Variants in ARHGAP15 observed in about 807,000 individuals in gnomAD.
ARHGAP15 encodes the protein Rho GTPase activating protein 15.
Under a neutral mutation model 63.7 loss-of-function variants are expected in ARHGAP15, and 51 were observed. The observed-to-expected ratio is 0.80, with a 90% confidence interval of 0.64 to 1.01. The LOEUF is 1.01. Among genes scored for constraint, ARHGAP15 ranks in the 50% least tolerant of loss-of-function variants. The pLI, the probability that ARHGAP15 is intolerant of heterozygous loss-of-function variation, is 0.00. For missense variants in ARHGAP15, 560 were observed against 564.6 expected (o/e 0.99, Z 0.08); for synonymous variants, 191 against 193.8 (o/e 0.99, Z 0.12).
At chr2:143,506,066 G>A (rs981984972) in intron 9 of ARHGAP15, among the ~76,000 whole-genome samples, 6 of 152,070 alleles carry the variant, frequency 3.9e-5, no homozygotes, top group African/African-American at 1.4e-4. Flanking sequence ...TTTTCTTATT[G>A]AACTATGCAT....
At chr2:143,744,531 C>T (rs192977908) in intron 13 of ARHGAP15, among the ~76,000 whole-genome samples, 1 of 152,232 alleles carries the variant, frequency 6.6e-6, no homozygotes, top group African/African-American at 2.4e-5. Flanking sequence ...TTCTATAAAT[C>T]AGGAGTGTTG....
chr2:143,565,144 T>G (rs1323976231), intron 11 of ARHGAP15, among the ~76,000 whole-genome samples: 2 of 152,164 alleles, frequency 1.3e-5, no homozygotes, highest in Non-Finnish European at 2.9e-5. Flanking sequence ...GGTGAATCTA[T>G]TTTAAACTTA....
chr2:143,496,080 A>G (rs955758678), intron 9 of ARHGAP15, among the ~76,000 whole-genome samples: 4 of 152,212 alleles, frequency 2.6e-5, no homozygotes, highest in Non-Finnish European at 5.9e-5. Context: ...CAAAATTAAT[A>G]GCCAACCTTA....
intron 6 of ARHGAP15, among the ~76,000 whole-genome samples, chr2:143,392,769 T>C (rs1344451237): frequency 6.6e-6 from 1 of 152,200 alleles, no homozygotes; most frequent in Non-Finnish European, 1.5e-5. Flanking sequence ...TTCTGTACAG[T>C]ACATATGTCT....
intron 13 of ARHGAP15, among the ~76,000 whole-genome samples, chr2:143,743,549 G>A (rs893883620): frequency 2.6e-5 from 4 of 152,102 alleles, no homozygotes; most frequent in African/African-American, 9.7e-5. Context: ...AGTTTCTTGC[G>A]ATCTCTGTAC....
intron 8 of ARHGAP15, among the ~76,000 whole-genome samples, chr2:143,484,101 C>A (rs1485532549): frequency 6.6e-6 from 1 of 152,012 alleles, no homozygotes; most frequent in Non-Finnish European, 1.5e-5. Flanking sequence ...TGGTAGCTCA[C>A]ACCTGTAATC....
At chr2:143,412,510 T>A (rs911060848) in intron 6 of ARHGAP15, among the ~76,000 whole-genome samples, 4 of 152,220 alleles carry the variant, frequency 2.6e-5, no homozygotes, top group Admixed American at 2.0e-4. Flanking sequence ...CACAGGTTTC[T>A]TGTGAAAATT....
intron 8 of ARHGAP15, among the ~76,000 whole-genome samples, chr2:143,469,147 A>G (rs1210600221): frequency 6.6e-6 from 1 of 152,192 alleles, no homozygotes; most frequent in African/African-American, 2.4e-5. Context: ...AGCACAGACT[A>G]TAAACTTCAA....
intron 2 of ARHGAP15, among the ~76,000 whole-genome samples, chr2:143,195,977 T>C (rs1310768439): frequency 1.3e-5 from 2 of 151,688 alleles, no homozygotes; most frequent in Non-Finnish European, 2.9e-5. Flanking sequence ...TTTAAATAGA[T>C]AAAAATGAAA....
chr2:143,301,380 T>C (rs1186617403), intron 6 of ARHGAP15, among the ~76,000 whole-genome samples: 8 of 151,934 alleles, frequency 5.3e-5, no homozygotes, highest in Non-Finnish European at 1.2e-4. Flanking sequence ...CCAAAAAATA[T>C]TCAGCTTTGT....
chr2:143,395,847 T>C (rs925192801), intron 6 of ARHGAP15, among the ~76,000 whole-genome samples: 1 of 152,030 alleles, frequency 6.6e-6, no homozygotes, highest in African/African-American at 2.4e-5. Flanking sequence ...CTGTCAGCTA[T>C]ACTAAACATG....
intron 11 of ARHGAP15, among the ~76,000 whole-genome samples, chr2:143,586,763 CT>C (rs201288178): frequency 0.01 from 1,548 of 151,866 alleles, 28 homozygotes; most frequent in African/African-American, 0.035. Flanking sequence ...GCCCTTCTTC[CT>C]TTTTACTTGG....
chr2:143,593,302 C>T (rs948754798), intron 11 of ARHGAP15: 10 of 152,064 alleles, frequency 6.6e-5, no homozygotes, highest in African/African-American at 2.4e-4. Flanking sequence ...AGCAATGAAC[C>T]TGTAAACAAA....
chr2:143,519,159 T>G, intron 9 of ARHGAP15, 107 bp from the exon 10 acceptor site: 1 of 805,680 alleles, frequency 1.2e-6, no homozygotes, highest in Non-Finnish European at 2.0e-6. Flanking sequence ...AAAAAAAATC[T>G]TATGCAAGAT....
intron 11 of ARHGAP15, chr2:143,607,052 T>C (rs1400888190): frequency 6.6e-6 from 1 of 152,252 alleles, no homozygotes; most frequent in African/African-American, 2.4e-5. Flanking sequence ...AATTACTTTC[T>C]TTTCCCCCAG....
At chr2:143,398,948 A>G (rs1687884852) in intron 6 of ARHGAP15, among the ~76,000 whole-genome samples, 1 of 152,062 alleles carries the variant, frequency 6.6e-6, no homozygotes, top group South Asian at 2.1e-4. Context: ...TCACTGGTGA[A>G]CAGGCGTTAA....
At chr2:143,317,794 A>C (rs1683788744) in intron 6 of ARHGAP15, among the ~76,000 whole-genome samples, 1 of 152,228 alleles carries the variant, frequency 6.6e-6, no homozygotes, top group Non-Finnish European at 1.5e-5. Flanking sequence ...GCAAAGACAG[A>C]TAACTGGTTA....
intron 10 of ARHGAP15, among the ~76,000 whole-genome samples, chr2:143,550,316 G>A (rs1695498840): frequency 1.3e-5 from 2 of 152,068 alleles, no homozygotes; most frequent in African/African-American, 4.8e-5. Flanking sequence ...CAATCAATTA[G>A]GAAGCAAAAG....
chr2:143,689,080 T>C (rs974000044), intron 12 of ARHGAP15, among the ~76,000 whole-genome samples: 8 of 152,156 alleles, frequency 5.3e-5, no homozygotes, highest in Admixed American at 1.3e-4. Flanking sequence ...AGATAATCTC[T>C]TCATTCTTTG....
Sources: allele counts gnomAD v4.1 joint callset (sites outside exome capture counted in the v4.1 genomes callset), GRCh38; gene constraint gnomAD v4.1.1; transcripts MANE v1.5; gene names NCBI Gene and HGNC (gene_info 2026-07-23, HGNC 2026-07-21).